Variants in MMS22L observed in about 807,000 individuals in gnomAD.
MMS22L encodes MMS22 like, DNA repair protein.
In MMS22L, 74 loss-of-function variants were observed where a neutral mutation model predicts 159.1. That is an observed-to-expected ratio of 0.47 (90% CI 0.39 to 0.56). The LOEUF is 0.56. Among genes scored for constraint, MMS22L ranks in the 20% least tolerant of loss-of-function variants. MMS22L has a pLI of 0.00. For missense variants in MMS22L, 1,351 were observed against 1,422.1 expected (o/e 0.95, Z 0.80); for synonymous variants, 517 against 506.9 (o/e 1.02, Z -0.27).
At chr6:97,240,215 T>C (rs9400692) in intron 11 of MMS22L, among the ~76,000 whole-genome samples, 28,227 of 152,186 alleles carry the variant, frequency 0.19, 3,043 homozygotes, top group East Asian at 0.52. Flanking sequence ...ATACTACTTA[T>C]AGAATATAAT....
chr6:97,178,650 T>A (rs992495060), intron 17 of MMS22L, 65 bp from the exon 18 acceptor site: 2 of 753,642 alleles, frequency 2.7e-6, no homozygotes, highest in Non-Finnish European at 4.0e-6. Context: ...TAACCACACA[T>A]ACAACATATA....
intron 4 of MMS22L, among the ~76,000 whole-genome samples, chr6:97,274,862 A>G (rs185467663): frequency 1.3e-5 from 2 of 152,318 alleles, no homozygotes; most frequent in Admixed American, 1.3e-4. Context: ...TACACAAGCC[A>G]GGGAATAGTT....
At chr6:97,176,659 A>G (rs1350211372) in intron 18 of MMS22L, among the ~76,000 whole-genome samples, 2 of 152,184 alleles carry the variant, frequency 1.3e-5, no homozygotes, top group Non-Finnish European at 2.9e-5. Flanking sequence ...GTCCCCAATA[A>G]TAACCATGGG....
At chr6:97,194,471 G>T (rs1806258281) in intron 14 of MMS22L, among the ~76,000 whole-genome samples, 1 of 152,050 alleles carries the variant, frequency 6.6e-6, no homozygotes, top group Admixed American at 6.5e-5. Context: ...AGTACCTACA[G>T]AATTACATTA....
chr6:97,178,512 G>A lies in MMS22L; in HGVS notation c.2610C>T (p.Phe870=). The change falls in exon 18 of 25, where the codon TTC becomes TTT. Residue 870 remains phenylalanine (F), a synonymous_variant. Coordinates refer to ENST00000683635, the MANE Select transcript of MMS22L (RefSeq NM_001350599.2). ...ATAAATATTCAACTTGGGCCTTTGA[G>A]AAAATACTCTTTACTTCTGAGAGAT... ...LFNLSEVKSI[F]SKAQVEYLSI... The A allele has an allele frequency of 6.3e-7, 1 of 1,586,618 alleles. No homozygotes were observed. Among genetic ancestry groups the A allele is most frequent in the Non-Finnish European group, 8.6e-7 (1 of 1,161,236 alleles).
chr6:97,208,890 A>C (rs200449513), intron 14 of MMS22L, among the ~76,000 whole-genome samples: 1 of 151,992 alleles, frequency 6.6e-6, no homozygotes, highest in East Asian at 1.9e-4. Context: ...TTGTATCGCT[A>C]CCTAAAAAAC....
intron 11 of MMS22L, among the ~76,000 whole-genome samples, chr6:97,245,009 C>T (rs1459719062): frequency 2.6e-5 from 4 of 152,056 alleles, no homozygotes; most frequent in African/African-American, 9.7e-5. Context: ...TCACCCAGCT[C>T]CCATGCAGCC....
intron 22 of MMS22L, among the ~76,000 whole-genome samples, chr6:97,159,636 G>T (rs945384282): frequency 6.6e-6 from 1 of 151,912 alleles, no homozygotes; most frequent in African/African-American, 2.4e-5. Context: ...AATTCCAAAT[G>T]CTTCCAAATC....
intron 10 of MMS22L, among the ~76,000 whole-genome samples, chr6:97,248,811 A>G (rs1015151485): frequency 1.3e-5 from 2 of 151,832 alleles, no homozygotes; most frequent in African/African-American, 4.8e-5. Context: ...GTGAGCAGAG[A>G]TCGTGCCATT....
In MMS22L at chr6:97,267,700, T is replaced by C. The variant is rs73760117; in HGVS notation, c.828+172A>G. 1,683 of 465,240 alleles carry C rather than the reference T, an allele frequency of 3.6e-3. 24 individuals are homozygous for C. Among genetic ancestry groups the C allele is most frequent in the African/African-American group, 0.032 (1,564 of 49,588 alleles). 28.8% of individuals were successfully genotyped at this position (465,240 alleles called of 1,614,324 possible). ...TCTAAAATACCAATTCCAGCCTCTTTTAGATGTTTAAATAAAAATTGTTTT... is the reference window on the plus strand; with the variant it reads ...TCTAAAATACCAATTCCAGCCTCTTCTAGATGTTTAAATAAAAATTGTTTT... On this transcript the variant is annotated intron_variant, in intron 8 of 24. Transcript: ENST00000683635.
rs374878872 is a variant in MMS22L, at chr6:97,143,557, G to A, written c.*3249C>T. On this transcript the variant is annotated 3_prime_UTR_variant, in exon 25 of 25. Coordinates refer to ENST00000683635, the MANE Select transcript of MMS22L (RefSeq NM_001350599.2). ...CTGTAGGAGAAGAAACCAGAGGTAAGGAAATAAGTAGTGCCCAACAGAAAA... is the reference window on the plus strand; with the variant it reads ...CTGTAGGAGAAGAAACCAGAGGTAAAGAAATAAGTAGTGCCCAACAGAAAA... The A allele has an allele frequency of 2.0e-5, 3 of 152,274 alleles. No individual in the cohort carries two copies. In the East Asian group the frequency reaches 5.8e-4, roughly 29 times the overall value. 9.4% of individuals were successfully genotyped at this position (152,274 alleles called of 1,614,324 possible). A position where few individuals can be genotyped will look rare whatever the true frequency, so the allele number is the denominator to read the frequency against.
chr6:97,206,382 T>TAC (rs58135635), intron 14 of MMS22L, among the ~76,000 whole-genome samples: 7,457 of 146,212 alleles, frequency 0.051, 474 homozygotes, highest in African/African-American at 0.15. Flanking sequence ...ACCTCGCATG[T>TAC]ACACACACAC....
At chr6:97,234,151 T>C (rs1471647412) in intron 11 of MMS22L, among the ~76,000 whole-genome samples, 171 bp from the exon 12 acceptor site, 1 of 152,062 alleles carries the variant, frequency 6.6e-6, no homozygotes. Flanking sequence ...AACACATACT[T>C]CCAAAAACAT....
chr6:97,227,687 G>C (rs1460640076), intron 14 of MMS22L, among the ~76,000 whole-genome samples: 1 of 152,176 alleles, frequency 6.6e-6, no homozygotes, highest in South Asian at 2.1e-4. Flanking sequence ...CTGAAAAACA[G>C]ATGCAACATT....
intron 9 of MMS22L, chr6:97,258,570 C>G (rs1562514925): frequency 6.6e-6 from 1 of 152,106 alleles, no homozygotes; most frequent in Non-Finnish European, 1.5e-5. Flanking sequence ...CATACTATAA[C>G]AAATTCTAAT....
At chr6:97,221,719 T>G (rs1809673125) in intron 14 of MMS22L, among the ~76,000 whole-genome samples, 1 of 152,090 alleles carries the variant, frequency 6.6e-6, no homozygotes, top group African/African-American at 2.4e-5. Context: ...ATATCTCTAC[T>G]TGGTTTTTCA....
intron 14 of MMS22L, among the ~76,000 whole-genome samples, chr6:97,190,537 A>G (rs147268064): frequency 0.011 from 1,706 of 152,326 alleles, 13 homozygotes; most frequent in Non-Finnish European, 0.018. Flanking sequence ...CTGAATGTCA[A>G]GTTATTCAAA....
chr6:97,244,250 A>T (rs1156737735), intron 11 of MMS22L, among the ~76,000 whole-genome samples: 4 of 151,988 alleles, frequency 2.6e-5, no homozygotes, highest in Non-Finnish European at 5.9e-5. Flanking sequence ...TACAGGGGGG[A>T]CATAAACTTG....
At chr6:97,267,647 AAAAAAAAAAAAAG>A in intron 8 of MMS22L, 1 of 285,220 alleles carries the variant, frequency 3.5e-6, no homozygotes. Flanking sequence ...TTTCTTAAAA[AAAAAAAAAAAAAG>A]AAAAAAAGAA....
Sources: gnomAD v4.1 joint callset for allele counts (sites outside exome capture counted in the v4.1 genomes callset) on GRCh38, gnomAD v4.1.1 for gene constraint, MANE v1.5 for transcripts, NCBI Gene and HGNC (gene_info 2026-07-23, HGNC 2026-07-21) for gene names.